Variants in ATP8A2 observed in about 807,000 individuals in gnomAD.
The protein encoded by ATP8A2 is ATPase phospholipid transporting 8A2, also known as phospholipid-transporting ATPase IB.
Under a neutral mutation model 165.6 loss-of-function variants are expected in ATP8A2, and 100 were observed. The ratio of observed to expected loss-of-function variants is 0.60; its 90% confidence interval spans 0.51 to 0.71. The LOEUF is 0.71. Ranked by LOEUF, ATP8A2 falls within the 30% of genes least tolerant of loss-of-function variation. The pLI is 0.00. For missense variants in ATP8A2, 1,227 were observed against 1,479.5 expected (o/e 0.83, Z 2.80); for synonymous variants, 543 against 548.8 (o/e 0.99, Z 0.15).
intron 2 of ATP8A2, among the ~76,000 whole-genome samples, chr13:25,523,828 A>G (rs2037747414): frequency 2.0e-5 from 3 of 151,430 alleles, no homozygotes; most frequent in Admixed American, 1.3e-4. Context: ...TGTTTCATTG[A>G]TCTTTTGTAC....
In ATP8A2 at chr13:26,005,229, T is replaced by A. The variant is rs913593372; in HGVS notation, c.3378-7302T>A. Among the ~76,000 whole-genome samples, 9 of 152,190 alleles carry A rather than the reference T, an allele frequency of 5.9e-5. No individual in the cohort carries two copies. In the South Asian group the frequency reaches 1.9e-3, roughly 32 times the overall value. On this transcript the variant is annotated intron_variant, in intron 35 of 36. Coordinates refer to ENST00000381655, the MANE Select transcript of ATP8A2 (RefSeq NM_016529.6). ...CATTTCTTCTAGATTATCCAATTTG[T>A]TGCCATATGATTGTTTGTAGTAATA...
intron 24 of ATP8A2, among the ~76,000 whole-genome samples, chr13:25,674,265 T>TCCCC (rs111355454): frequency 0.026 from 3,987 of 150,972 alleles, 95 homozygotes; most frequent in East Asian, 0.11. Context: ...TCCAGATGTG[T>TCCCC]CCCCCCCCGA....
At chr13:25,585,061 A>C (rs548395238) in intron 23 of ATP8A2, among the ~76,000 whole-genome samples, 1 of 152,346 alleles carries the variant, frequency 6.6e-6, no homozygotes, top group Non-Finnish European at 1.5e-5. Flanking sequence ...GAAAAAAAAC[A>C]CACAGTCAAA....
rs558900391 is a variant in ATP8A2 at position 25,976,343 on chromosome 13, G to T, written c.3377+7664G>T. On this transcript the variant is annotated intron_variant, in intron 35 of 36. Coordinates refer to ENST00000381655, the MANE Select transcript of ATP8A2 (RefSeq NM_016529.6). ...GAAAGTTTCCTCATGTGCAGAAAAGGCGATGAGGCCTCAGAGAGATGGAGT... is the reference window on the plus strand; with the variant it reads ...GAAAGTTTCCTCATGTGCAGAAAAGTCGATGAGGCCTCAGAGAGATGGAGT... 1.3e-3 allele frequency among the ~76,000 whole-genome samples: 193 copies of T among 152,224 alleles called. 1 individual carries two copies. The highest frequency in any genetic ancestry group is 4.4e-3 in the African/African-American group (184 of 41,542).
Position 25,888,813 on chromosome 13 carries a change from C to T in ATP8A2, c.3183+26405C>T, listed in dbSNP as rs372838593. Among the ~76,000 whole-genome samples the T allele has an allele frequency of 4.7e-4, 71 of 152,292 alleles. No individual in the cohort carries two copies. In the East Asian group the frequency reaches 9.7e-3, roughly 21 times the overall value. On this transcript the variant is annotated intron_variant, in intron 33 of 36. Coordinates refer to ENST00000381655, the MANE Select transcript of ATP8A2 (RefSeq NM_016529.6). Reference sequence around the variant, plus strand: ...GGCGGAGGTTGCGATGAGTCAAGATCGCACCATTGCGCTCCAGCCTGGGCG... The same window carrying T: ...GGCGGAGGTTGCGATGAGTCAAGATTGCACCATTGCGCTCCAGCCTGGGCG...
chr13:25,724,765 G>A (rs1351177104), intron 25 of ATP8A2, among the ~76,000 whole-genome samples: 2 of 152,092 alleles, frequency 1.3e-5, no homozygotes, highest in Admixed American at 6.5e-5. Context: ...AAGAAAATGA[G>A]GTATCTGTTT....
At chr13:25,846,726 G>A (rs1951874218) in intron 30 of ATP8A2, among the ~76,000 whole-genome samples, 1 of 152,182 alleles carries the variant, frequency 6.6e-6, no homozygotes, top group Non-Finnish European at 1.5e-5. Context: ...CCAGGATAAT[G>A]ATTGGAGTCC....
In ATP8A2 at chr13:25,398,151, G is replaced by A. The variant is rs141823532; in HGVS notation, c.76+25863G>A. On this transcript the variant is annotated intron_variant, in intron 1 of 36. Transcript: ENST00000381655. The stretch of plus-strand genomic sequence containing the variant: ...TACAGAATGTAAATTTTCCCCACAT[G>A]AGATGGCTTTGCAGGGCCATTCCAA... Among the ~76,000 whole-genome samples the A allele has an allele frequency of 1.3e-3, 197 of 152,322 alleles. 5 individuals carry two copies. In the East Asian group the frequency reaches 0.015, roughly 12 times the overall value.
rs143963316 is a variant in ATP8A2, at chr13:25,773,195, G to A, written c.2569-1654G>A. 2.1e-3 allele frequency among the ~76,000 whole-genome samples: 318 copies of A among 152,294 alleles called. 2 individuals are homozygous for A. Among genetic ancestry groups the A allele is most frequent in the Non-Finnish European group, 2.9e-3 (199 of 68,020 alleles). ...GTAGTGTAATAGGTTTCAAGCTTGT[G>A]GACTTACTGACACTCTGACTTAGAA... is the stretch of plus-strand genomic sequence containing the variant. On this transcript the variant is annotated intron_variant, in intron 26 of 36. Coordinates refer to ENST00000381655, the MANE Select transcript of ATP8A2 (RefSeq NM_016529.6).
At chr13:25,727,062 G>T (rs140381581) in intron 25 of ATP8A2, among the ~76,000 whole-genome samples, 1 of 152,108 alleles carries the variant, frequency 6.6e-6, no homozygotes, top group African/African-American at 2.4e-5. Context: ...TCCATCAGGG[G>T]TACATGCATG....
At chr13:25,494,022 A>G (rs563192303) in intron 2 of ATP8A2, among the ~76,000 whole-genome samples, 1 of 152,120 alleles carries the variant, frequency 6.6e-6, no homozygotes, top group African/African-American at 2.4e-5. Flanking sequence ...GCTTCAGTTT[A>G]CTCCATGAAA....
chr13:25,929,312 T>C (rs1013797370), intron 33 of ATP8A2, among the ~76,000 whole-genome samples: 22 of 152,010 alleles, frequency 1.4e-4, no homozygotes, highest in African/African-American at 5.1e-4. Flanking sequence ...CCCGTTGCCA[T>C]AGTGACCATC....
At chr13:25,392,907 C>G (rs1420210841) in intron 1 of ATP8A2, among the ~76,000 whole-genome samples, 2 of 70,396 alleles carry the variant, frequency 2.8e-5, no homozygotes, top group Non-Finnish European at 6.0e-5. Flanking sequence ...GAAGCCTCAT[C>G]TCTACAAAAA....
intron 24 of ATP8A2, among the ~76,000 whole-genome samples, chr13:25,603,490 T>A (rs562834840): frequency 8.1e-5 from 12 of 147,878 alleles, no homozygotes; most frequent in East Asian, 2.0e-4. Context: ...AAAAAAAAAA[T>A]TTTAAAAAGA....
At chr13:25,639,199 A>C (rs2041449769) in intron 24 of ATP8A2, among the ~76,000 whole-genome samples, 1 of 152,182 alleles carries the variant, frequency 6.6e-6, no homozygotes, top group Non-Finnish European at 1.5e-5. Flanking sequence ...ATCAACTGGC[A>C]AGCAAAATAA....
chr13:25,489,010 A>C (rs1456955234), intron 2 of ATP8A2, among the ~76,000 whole-genome samples: 1 of 151,650 alleles, frequency 6.6e-6, no homozygotes, highest in African/African-American at 2.4e-5. Context: ...GGGTGGGTAT[A>C]GATTTTAAAC....
intron 24 of ATP8A2, among the ~76,000 whole-genome samples, chr13:25,640,410 G>A (rs2041486939): frequency 6.6e-6 from 1 of 152,132 alleles, no homozygotes; most frequent in Non-Finnish European, 1.5e-5. Flanking sequence ...AATAAAAAAT[G>A]ATAAAGGGGA....
intron 25 of ATP8A2, among the ~76,000 whole-genome samples, chr13:25,709,889 AATAATT>A (rs1254563053): frequency 2.9e-4 from 44 of 152,322 alleles, no homozygotes; most frequent in African/African-American, 7.5e-4. Flanking sequence ...GAAGTTTTGA[AATAATT>A]ATAATTAGAG....
At chr13:26,007,480 T>A (rs868688183) in intron 35 of ATP8A2, among the ~76,000 whole-genome samples, 1 of 152,236 alleles carries the variant, frequency 6.6e-6, no homozygotes, top group Non-Finnish European at 1.5e-5. Context: ...ATAGCAAGAC[T>A]CTGCAAAGAA....
Sources: gnomAD v4.1 joint callset for allele counts (sites outside exome capture counted in the v4.1 genomes callset) on GRCh38, gnomAD v4.1.1 for gene constraint, MANE v1.5 for transcripts, NCBI Gene and HGNC (gene_info 2026-07-23, HGNC 2026-07-21) for gene names.